The following GRIA3 variants were observed in gnomAD, a reference collection of about 807,000 sequenced individuals.
The protein encoded by GRIA3 is glutamate ionotropic receptor AMPA type subunit 3, also known as glutamate receptor 3.
In GRIA3, 3 loss-of-function variants were observed where a neutral mutation model predicts 63.0. The ratio of observed to expected loss-of-function variants is 0.05; its 90% confidence interval spans 0.02 to 0.12. The LOEUF (loss-of-function observed/expected upper bound fraction) is 0.12, where lower values mean the gene tolerates loss of function less well. GRIA3 is among the 10% of genes least tolerant of loss of function. GRIA3 has a pLI of 1.00. For missense variants in GRIA3, 347 were observed against 700.9 expected (o/e 0.50, Z 5.70); for synonymous variants, 274 against 257.9 (o/e 1.06, Z -0.60).
intron 5 of GRIA3, among the ~76,000 whole-genome samples, chrX:123,364,370 G>A (rs1434964236): frequency 1.8e-5 from 2 of 111,871 alleles, no homozygotes; most frequent in African/African-American, 6.5e-5. Context: ...TCATTGGGAA[G>A]GGGGAGGATA....
At chrX:123,281,995 A>G (rs956878243) in intron 3 of GRIA3, among the ~76,000 whole-genome samples, 2 of 111,037 alleles carry the variant, frequency 1.8e-5, no homozygotes, top group African/African-American at 6.6e-5. Context: ...GCAAGAACCA[A>G]CTCTAGCATG....
At chrX:123,309,475 T>TTTTTTTG (rs1363013076) in intron 3 of GRIA3, among the ~76,000 whole-genome samples, 2 of 112,301 alleles carry the variant, frequency 1.8e-5, no homozygotes, top group African/African-American at 6.5e-5. Flanking sequence ...GCTGATTGTG[T>TTTTTTTG]TCTTTGCTCA....
rs184826655 is a variant in GRIA3, at chrX:123,462,218, A to T, written c.2077-2647A>T. Among the ~76,000 whole-genome samples the T allele has an allele frequency of 6.5e-3, 730 of 111,639 alleles. 5 individuals are homozygous for T. The highest frequency in any genetic ancestry group is 0.014 in the Middle Eastern group (3 of 215). ...TGACCCAACTCATAGTCTATTCTCC[A>T]TATGGCAGTGAGAGTAATCTTTAAA... On this transcript the variant is annotated intron_variant, in intron 12 of 15. Transcript: ENST00000620443.
chrX:123,291,851 G>A (rs1167024037), intron 3 of GRIA3, among the ~76,000 whole-genome samples: 2 of 110,774 alleles, frequency 1.8e-5, no homozygotes, highest in African/African-American at 3.3e-5. Flanking sequence ...AATAGATATT[G>A]GGTAGGCAAC....
At chrX:123,204,043 A>G (rs1055738976) in intron 2 of GRIA3, among the ~76,000 whole-genome samples, 6 of 112,091 alleles carry the variant, frequency 5.4e-5, no homozygotes, top group Admixed American at 4.7e-4. Flanking sequence ...AAACCAATAA[A>G]TCAATAAATA....
chrX:123,272,103 A>G (rs775712473), intron 3 of GRIA3, among the ~76,000 whole-genome samples: 1 of 111,400 alleles, frequency 9.0e-6, no homozygotes, highest in Non-Finnish European at 1.9e-5. Flanking sequence ...AGGGATAGGG[A>G]TACATCCTCT....
intron 3 of GRIA3, among the ~76,000 whole-genome samples, chrX:123,256,964 T>C (rs1242986990): frequency 1.8e-5 from 2 of 111,132 alleles, no homozygotes; most frequent in African/African-American, 6.5e-5. Context: ...GAGGAAGGCT[T>C]CATGGATGAT....
chrX:123,261,235 G>A (rs1363622223), intron 3 of GRIA3, among the ~76,000 whole-genome samples: 4 of 110,977 alleles, frequency 3.6e-5, no homozygotes, highest in East Asian at 2.9e-4. Flanking sequence ...TTGTTCTCTC[G>A]GTAGCTTAAC....
chrX:123,437,331 G>C (rs2045650424), intron 12 of GRIA3, among the ~76,000 whole-genome samples: 1 of 110,812 alleles, frequency 9.0e-6, no homozygotes, highest in Admixed American at 9.7e-5. Context: ...TCCAGGTACG[G>C]ATAGGTGCTC....
intron 5 of GRIA3, among the ~76,000 whole-genome samples, chrX:123,390,249 A>C (rs1248444474): frequency 1.8e-5 from 2 of 110,654 alleles, no homozygotes; most frequent in Non-Finnish European, 3.8e-5. Context: ...ACTTTCATGT[A>C]TTTTCATTAT....
rs760050334 is a variant in GRIA3 at position 123,274,515 on chromosome X, A to T, written c.508+20973A>T. On this transcript the variant is annotated intron_variant, in intron 3 of 15. Transcript: ENST00000620443. ...GTCACTAGGTCTTTTCAGAAAATAGAACTAGTCCCATTTGCCTCTCATCAC... is the reference window on the plus strand; with the variant it reads ...GTCACTAGGTCTTTTCAGAAAATAGTACTAGTCCCATTTGCCTCTCATCAC... Among the ~76,000 whole-genome samples the T allele has an allele frequency of 1.2e-4, 14 of 112,476 alleles. No homozygotes were observed. The East Asian group carries it at 3.9e-3, about 31-fold the overall frequency.
intron 2 of GRIA3, among the ~76,000 whole-genome samples, chrX:123,241,666 A>G (rs1283821050): frequency 9.1e-6 from 1 of 110,015 alleles, no homozygotes; most frequent in African/African-American, 3.3e-5. Flanking sequence ...CATTTGACAA[A>G]CTGGAACACA....
chrX:123,434,020 C>G (rs1050828468), intron 12 of GRIA3, among the ~76,000 whole-genome samples: 9 of 112,030 alleles, frequency 8.0e-5, no homozygotes, highest in Non-Finnish European at 5.6e-5. Flanking sequence ...CACACATACA[C>G]AAAGCATTTT....
chrX:123,485,816 G>A (rs2045937107), intron 15 of GRIA3, among the ~76,000 whole-genome samples: 1 of 110,959 alleles, frequency 9.0e-6, no homozygotes, highest in South Asian at 3.8e-4. Flanking sequence ...AAGCCCCAGA[G>A]CAGTATTCAT....
chrX:123,455,109 C>T (rs2045754336), intron 12 of GRIA3, among the ~76,000 whole-genome samples: 2 of 111,943 alleles, frequency 1.8e-5, no homozygotes, highest in African/African-American at 6.5e-5. Context: ...TGACCTCCAA[C>T]TCCAATGAAG....
At chrX:123,317,737 C>T (rs147671273) in intron 3 of GRIA3, among the ~76,000 whole-genome samples, 10 of 111,839 alleles carry the variant, frequency 8.9e-5, no homozygotes, top group Admixed American at 4.7e-4. Context: ...TGAGTGTCTG[C>T]GGCTTTTCCA....
At chrX:123,433,084 G>A (rs1424296765) in intron 12 of GRIA3, among the ~76,000 whole-genome samples, 1 of 111,888 alleles carries the variant, frequency 8.9e-6, no homozygotes, top group East Asian at 2.8e-4. Flanking sequence ...CATTTGCCAT[G>A]CTGGTAGAAG....
chrX:123,403,463 A>G lies in GRIA3; in HGVS notation c.1237A>G (p.Ile413Val), dbSNP rs1226327046. The G allele has an allele frequency of 1.3e-5, 16 of 1,195,207 alleles. No individual in the cohort carries two copies. The highest frequency in any genetic ancestry group is 1.7e-5 in the Non-Finnish European group (15 of 881,598). The change falls in exon 9 of 16, where the codon ATC becomes GTC. Residue 413 changes from isoleucine (I) to valine (V), a missense_variant. Physicochemically the swap from Ile to Val is conservative, Grantham distance 29. Transcript: ENST00000620443. The stretch of plus-strand genomic sequence containing the variant: ...GTTTGTGCCTTTCTCAGATCAGCAA[A>G]TCAGCAATGACAGTGCATCCTCAGA... ...ERFVPFSDQQ[I>V]SNDSASSENR...
chrX:123,420,273 C>T (rs1244397455), intron 11 of GRIA3, among the ~76,000 whole-genome samples: 1 of 111,808 alleles, frequency 8.9e-6, no homozygotes, highest in Non-Finnish European at 1.9e-5. Context: ...TAAAAAGAAG[C>T]TTTGCAGCAT....
Sources: gnomAD v4.1 joint callset for allele counts (sites outside exome capture counted in the v4.1 genomes callset) on GRCh38, gnomAD v4.1.1 for gene constraint, MANE v1.5 for transcripts, NCBI Gene and HGNC (gene_info 2026-07-23, HGNC 2026-07-21) for gene names.